KCTD16: variants seen among roughly 807,000 people sequenced by gnomAD.
KCTD16 encodes potassium channel tetramerization domain containing 16.
Under a neutral mutation model 33.2 loss-of-function variants are expected in KCTD16, and 13 were observed. That is an observed-to-expected ratio of 0.39 (90% CI 0.25 to 0.62). The LOEUF is 0.62. KCTD16 is among the 20% of genes least tolerant of loss of function. The pLI, the probability that KCTD16 is intolerant of heterozygous loss-of-function variation, is 0.50. For synonymous variants in KCTD16, 197 were observed against 195.3 expected, an observed-to-expected ratio of 1.01 and a Z score of -0.07; for missense variants, 441 against 525.1, an observed-to-expected ratio of 0.84 and a Z score of 1.57.
intron 3 of KCTD16, among the ~76,000 whole-genome samples, chr5:144,264,819 A>G (rs1200119300): frequency 6.6e-6 from 1 of 152,224 alleles, no homozygotes; most frequent in East Asian, 1.9e-4. Context: ...TTAAGTCTCA[A>G]ACTTTTCCTT....
intron 2 of KCTD16, among the ~76,000 whole-genome samples, chr5:144,183,227 T>C (rs954075965): frequency 6.6e-6 from 1 of 152,218 alleles, no homozygotes; most frequent in African/African-American, 2.4e-5. Context: ...TTTAGAAATG[T>C]TATTCAATTA....
At chr5:144,343,785 G>A (rs1281163610) in intron 3 of KCTD16, among the ~76,000 whole-genome samples, 2 of 152,120 alleles carry the variant, frequency 1.3e-5, no homozygotes, top group African/African-American at 4.8e-5. Context: ...TTGTGTCTTT[G>A]TTCTCATTGG....
At chr5:144,269,175 T>C (rs1301465078) in intron 3 of KCTD16, among the ~76,000 whole-genome samples, 1 of 152,044 alleles carries the variant, frequency 6.6e-6, no homozygotes, top group Non-Finnish European at 1.5e-5. Context: ...GCAGAGAGAA[T>C]ATTTGAAGAA....
chr5:144,448,990 T>A (rs929535827), intron 3 of KCTD16, among the ~76,000 whole-genome samples: 1 of 152,022 alleles, frequency 6.6e-6, no homozygotes, highest in African/African-American at 2.4e-5. Flanking sequence ...TCTGGGAGCA[T>A]TTACACAAAA....
intron 3 of KCTD16, among the ~76,000 whole-genome samples, chr5:144,305,710 A>G (rs1002381010): frequency 6.6e-6 from 1 of 152,192 alleles, no homozygotes; most frequent in Non-Finnish European, 1.5e-5. Context: ...GCTACTCAGG[A>G]GGCTGAAGCA....
At chr5:144,320,392 GAA>G (rs1752040306) in intron 3 of KCTD16, among the ~76,000 whole-genome samples, 2 of 152,168 alleles carry the variant, frequency 1.3e-5, no homozygotes, top group South Asian at 4.1e-4. Flanking sequence ...GGCAAAGAAA[GAA>G]AAGCTCTTTG....
intron 3 of KCTD16, among the ~76,000 whole-genome samples, chr5:144,280,715 G>C (rs530166101): frequency 2.1e-4 from 32 of 152,342 alleles, no homozygotes; most frequent in South Asian, 4.1e-4. Context: ...ACGAGGTCAG[G>C]AGATCGAGAC....
In KCTD16 at chr5:144,474,052, G is replaced by C. The variant is rs1754541529; in HGVS notation, c.1225G>C (p.Asp409His). 3 of 1,613,480 alleles carry C rather than the reference G, an allele frequency of 1.9e-6. No individual in the cohort carries two copies. The highest frequency in any genetic ancestry group is 2.7e-5 in the African/African-American group (2 of 74,774). Residue 409 changes from aspartate (D) to histidine (H), a missense_variant, in exon 4 of 4, where the codon GAT (aspartate) becomes CAT (histidine). Asp to His is a moderately conservative substitution (Grantham distance 81). Transcript: ENST00000512467. Reference protein sequence around the residue: ...IQDFLKIKIPDRFPERKHPWQ... With the variant: ...IQDFLKIKIPHRFPERKHPWQ... The stretch of plus-strand genomic sequence containing the variant: ...GGATTTCCTAAAAATCAAAATTCCA[G>C]ATCGGTTTCCTGAGAGAAAACATCC...
At chr5:144,232,454 C>G (rs757936254) in intron 3 of KCTD16, among the ~76,000 whole-genome samples, 2 of 152,210 alleles carry the variant, frequency 1.3e-5, no homozygotes, top group African/African-American at 4.8e-5. Context: ...CAAGGTCACA[C>G]AGCTGGTGAA....
At chr5:144,364,166 C>T (rs1277801888) in intron 3 of KCTD16, among the ~76,000 whole-genome samples, 1 of 152,118 alleles carries the variant, frequency 6.6e-6, no homozygotes, top group African/African-American at 2.4e-5. Flanking sequence ...ATTCAAGCCC[C>T]TTCTATGCTT....
intron 3 of KCTD16, among the ~76,000 whole-genome samples, chr5:144,254,161 G>A (rs145551361): frequency 0.016 from 2,467 of 151,456 alleles, 28 homozygotes; most frequent in South Asian, 0.038. Flanking sequence ...TTTTTGAGAC[G>A]GAGTCTCGCT....
chr5:144,444,857 G>C (rs1463812539), intron 3 of KCTD16, among the ~76,000 whole-genome samples: 1 of 149,118 alleles, frequency 6.7e-6, no homozygotes, highest in South Asian at 2.1e-4. Flanking sequence ...ATATATATAT[G>C]TGTGTGTGCA....
chr5:144,474,210 G>A lies in KCTD16; in HGVS notation c.*96G>A. On this transcript the variant is annotated 3_prime_UTR_variant, in exon 4 of 4. Coordinates refer to ENST00000512467, the MANE Select transcript of KCTD16 (RefSeq NM_020768.4). ...TTTAAAGGAAAAAAATACAACTAAT[G>A]ATGCACATTTCTTAGAACACAATAG... 2.1e-6 allele frequency: 2 copies of A among 934,506 alleles called. No individual in the cohort carries two copies. The highest frequency in any genetic ancestry group is 3.2e-6 in the Non-Finnish European group (2 of 625,928). 57.9% of individuals were successfully genotyped at this position (934,506 alleles called of 1,614,324 possible). A position where few individuals can be genotyped will look rare whatever the true frequency, so the allele number is the denominator to read the frequency against.
intron 3 of KCTD16, among the ~76,000 whole-genome samples, chr5:144,433,988 G>A (rs956221313): frequency 1.3e-5 from 2 of 152,108 alleles, no homozygotes; most frequent in African/African-American, 4.8e-5. Flanking sequence ...AGTGGTTCTT[G>A]CCACACACCA....
intron 3 of KCTD16, among the ~76,000 whole-genome samples, chr5:144,280,410 T>C (rs148591460): frequency 1.0e-3 from 158 of 152,350 alleles, no homozygotes; most frequent in African/African-American, 3.7e-3. Flanking sequence ...TTTGGCAGTG[T>C]ATCTTTTAAC....
intron 1 of KCTD16, among the ~76,000 whole-genome samples, chr5:144,172,560 C>T (rs1289377358): frequency 2.0e-5 from 3 of 152,164 alleles, no homozygotes; most frequent in Admixed American, 6.5e-5. Flanking sequence ...TTCAAGTGTT[C>T]ACCACCTTTC....
chr5:144,398,334 G>A (rs1432501022), intron 3 of KCTD16, among the ~76,000 whole-genome samples: 1 of 152,120 alleles, frequency 6.6e-6, no homozygotes, highest in Admixed American at 6.5e-5. Flanking sequence ...AGAGCTGCTT[G>A]CATCTGTTAT....
chr5:144,438,357 C>T (rs1390333513), intron 3 of KCTD16, among the ~76,000 whole-genome samples: 1 of 152,216 alleles, frequency 6.6e-6, no homozygotes, highest in Non-Finnish European at 1.5e-5. Context: ...CAGGAATAGA[C>T]TGTCTTCAGG....
chr5:144,408,344 A>G (rs894721722), intron 3 of KCTD16, among the ~76,000 whole-genome samples: 6 of 152,350 alleles, frequency 3.9e-5, no homozygotes, highest in East Asian at 1.9e-4. Context: ...TTTGAATACT[A>G]TAACTTGGTG....
Sources: allele counts gnomAD v4.1 joint callset (sites outside exome capture counted in the v4.1 genomes callset), GRCh38; gene constraint gnomAD v4.1.1; transcripts MANE v1.5; gene names NCBI Gene and HGNC (gene_info 2026-07-23, HGNC 2026-07-21).